The following TSPEAR variants were observed in gnomAD, a reference collection of about 807,000 sequenced individuals.
The protein encoded by TSPEAR is thrombospondin type laminin G domain and EAR repeats, also known as thrombospondin-type laminin G domain and EAR repeat-containing protein.
TSPEAR carries 69 observed loss-of-function variants against 71.6 expected under a neutral mutation model. The observed-to-expected ratio is 0.96, with a 90% CI of 0.79 to 1.18. The LOEUF is 1.18. TSPEAR is among the 50% of genes most tolerant of loss of function. TSPEAR has a pLI of 0.00. For missense variants in TSPEAR, 971 were observed against 894.9 expected (o/e 1.09, Z -1.09); for synonymous variants, 402 against 387.2 (o/e 1.04, Z -0.45).
chr21:44,637,501 G>GCCC (rs587619383), intron 1 of TSPEAR: 1 of 1,612,738 alleles, frequency 6.2e-7, no homozygotes. Flanking sequence ...GCTGCTGCGA[G>GCCC]CCCTGCTGCT....
At chr21:44,615,010 G>A (rs1981981104) in intron 1 of TSPEAR, among the ~76,000 whole-genome samples, 1 of 152,274 alleles carries the variant, frequency 6.6e-6, no homozygotes, top group South Asian at 2.1e-4. Flanking sequence ...CACACCCATC[G>A]CTCACCGGAC....
chr21:44,708,312 G>C (rs12483286), intron 1 of TSPEAR, among the ~76,000 whole-genome samples: 1,610 of 152,184 alleles, frequency 0.011, 12 homozygotes, highest in Middle Eastern at 0.031. Context: ...AAGGGCTTTG[G>C]TCATGCACAC....
At chr21:44,568,986 G>C (rs2053746721) in intron 1 of TSPEAR, among the ~76,000 whole-genome samples, 1 of 152,134 alleles carries the variant, frequency 6.6e-6, no homozygotes, top group South Asian at 2.1e-4. Context: ...CCCCGGAAGG[G>C]CTTTGGTCAA....
intron 1 of TSPEAR, among the ~76,000 whole-genome samples, chr21:44,577,008 A>C (rs587620389): frequency 1.4e-4 from 22 of 152,348 alleles, no homozygotes; most frequent in Admixed American, 1.4e-3. Flanking sequence ...ACTGCCACAT[A>C]CTTGGAAATT....
intron 11 of TSPEAR, among the ~76,000 whole-genome samples, chr21:44,503,138 G>C (rs1294797632): frequency 6.9e-6 from 1 of 144,626 alleles, no homozygotes; most frequent in Non-Finnish European, 1.5e-5. Flanking sequence ...GGGAAGCAAG[G>C]CTCTGGGAGG....
rs752434989 is a variant in TSPEAR, at chr21:44,546,386, G to A, written c.304-12463C>T. On this transcript the variant is annotated intron_variant, in intron 2 of 11. Coordinates refer to ENST00000323084, the MANE Select transcript of TSPEAR (RefSeq NM_144991.3). This position sits in a 1 kb window ranked among gnomAD's most constrained non-coding sequence, Gnocchi z 4.4. ...GTCTCGCTCTGTTGCCCAGGCTGGA[G>A]TGCAGTGGTGCGATCTCTGCTCACT... 4.2e-4 allele frequency among the ~76,000 whole-genome samples: 64 copies of A among 152,198 alleles called. No homozygotes were observed. Among genetic ancestry groups the A allele is most frequent in the Non-Finnish European group, 5.9e-4 (40 of 68,036 alleles).
chr21:44,517,264 A>T (rs1487413463), intron 9 of TSPEAR: 5 of 155,534 alleles, frequency 3.2e-5, no homozygotes, highest in African/African-American at 1.2e-4. Flanking sequence ...TCCAGTTCTG[A>T]TCTTCTCATT....
intron 1 of TSPEAR, among the ~76,000 whole-genome samples, chr21:44,660,810 T>C (rs1180399124): frequency 6.6e-6 from 1 of 151,522 alleles, no homozygotes. Flanking sequence ...CTACTAAAAA[T>C]ACAAAAATCA....
At chr21:44,705,349 G>A (rs1015564783) in intron 1 of TSPEAR, among the ~76,000 whole-genome samples, 8 of 152,152 alleles carry the variant, frequency 5.3e-5, no homozygotes, top group African/African-American at 7.2e-5. Context: ...TGTTTGAGCA[G>A]TATGAAATGT....
At chr21:44,708,078 A>C (rs944253817) in intron 1 of TSPEAR, among the ~76,000 whole-genome samples, 9 of 149,796 alleles carry the variant, frequency 6.0e-5, no homozygotes, top group East Asian at 2.0e-4. Flanking sequence ...GATATGAGAG[A>C]GAGCGAGCGA....
At chr21:44,590,986 G>A (rs1979764486) in intron 1 of TSPEAR, among the ~76,000 whole-genome samples, 2 of 152,234 alleles carry the variant, frequency 1.3e-5, no homozygotes, top group African/African-American at 2.4e-5. Context: ...ATGAAAAGTC[G>A]ACAGAGACAG....
Position 44,539,971 on chromosome 21 carries a change from T to C in TSPEAR, c.304-6048A>G, listed in dbSNP as rs377580462. On this transcript the variant is annotated intron_variant, in intron 2 of 11. Coordinates refer to ENST00000323084, the MANE Select transcript of TSPEAR (RefSeq NM_144991.3). ...ATTGGCAGGGGCTGGGCTCACAGGC[T>C]GCCTGGCAGCAGGGGCTGGACACAC... 7.6e-5 allele frequency: 122 copies of C among 1,613,080 alleles called. 1 individual carries two copies. In the African/African-American group the frequency reaches 7.9e-4, roughly 10 times the overall value.
chr21:44,662,947 T>C (rs1187111022), intron 1 of TSPEAR, among the ~76,000 whole-genome samples: 1 of 152,136 alleles, frequency 6.6e-6, no homozygotes, highest in African/African-American at 2.4e-5. Flanking sequence ...TCAAAATATA[T>C]GGAACATGGC....
chr21:44,573,107 T>C (rs782812606), intron 1 of TSPEAR, among the ~76,000 whole-genome samples: 5 of 152,184 alleles, frequency 3.3e-5, no homozygotes, highest in Non-Finnish European at 5.9e-5. Context: ...ACCAGCCAGT[T>C]TGTGGTACTG....
intron 1 of TSPEAR, among the ~76,000 whole-genome samples, chr21:44,607,105 A>T (rs1981362183): frequency 6.6e-6 from 1 of 152,216 alleles, no homozygotes; most frequent in South Asian, 2.1e-4. Context: ...TGTTTTTTAG[A>T]CACAGTCTTG....
At chr21:44,514,602 C>T (rs934367452) in intron 9 of TSPEAR, among the ~76,000 whole-genome samples, 1 of 152,184 alleles carries the variant, frequency 6.6e-6, no homozygotes, top group African/African-American at 2.4e-5. Flanking sequence ...AGAAGCCAAA[C>T]CTATTTTGGA....
intron 1 of TSPEAR, among the ~76,000 whole-genome samples, chr21:44,682,355 T>A (rs1601561622): frequency 6.6e-6 from 1 of 152,246 alleles, no homozygotes; most frequent in South Asian, 2.1e-4. Flanking sequence ...CTTCAAGCTC[T>A]TGTTACATTT....
chr21:44,658,163 C>T, intron 1 of TSPEAR: 1 of 1,614,142 alleles, frequency 6.2e-7, no homozygotes, highest in Non-Finnish European at 8.5e-7. Context: ...GAGCTGCAGG[C>T]CCATCATATA....
At chr21:44,537,561 ATAAAC>A (rs1555916490) in intron 2 of TSPEAR, among the ~76,000 whole-genome samples, 1 of 152,250 alleles carries the variant, frequency 6.6e-6, no homozygotes, top group Non-Finnish European at 1.5e-5. Flanking sequence ...GATGGAGAGA[ATAAAC>A]TAACTTTAAA....
Sources: allele counts gnomAD v4.1 joint callset (sites outside exome capture counted in the v4.1 genomes callset), GRCh38; gene constraint gnomAD v4.1.1; non-coding constraint Gnocchi (gnomAD v3.1); transcripts MANE v1.5; gene names NCBI Gene and HGNC (gene_info 2026-07-23, HGNC 2026-07-21).